KIAA1217: variants seen among roughly 807,000 people sequenced by gnomAD.
The protein encoded by KIAA1217 is KIAA1217.
A neutral mutation model predicts 163.9 loss-of-function variants in KIAA1217; 88 were observed. The observed-to-expected ratio is 0.54, with a 90% CI of 0.45 to 0.64. KIAA1217 has a LOEUF of 0.64. Among genes scored for constraint, KIAA1217 ranks in the 30% least tolerant of loss-of-function variants. KIAA1217 has a pLI of 0.00. For synonymous variants in KIAA1217, 903 were observed against 923.1 expected (o/e 0.98, Z 0.39); for missense variants, 2,372 against 2,475.0 (o/e 0.96, Z 0.88).
At chr10:23,872,073 T>C (rs185305692) in intron 1 of KIAA1217, among the ~76,000 whole-genome samples, 1 of 152,176 alleles carries the variant, frequency 6.6e-6, no homozygotes, top group Admixed American at 6.5e-5. Flanking sequence ...TTTGTCCATT[T>C]GGGGAAAAAA....
intron 2 of KIAA1217, among the ~76,000 whole-genome samples, chr10:24,246,160 A>G (rs188379717): frequency 1.2e-4 from 18 of 152,318 alleles, no homozygotes; most frequent in South Asian, 2.1e-4. Context: ...AGAGCCTCAC[A>G]AAGGCCAATT....
chr10:23,743,764 G>C (rs1032479208), intron 1 of KIAA1217, among the ~76,000 whole-genome samples: 4 of 152,110 alleles, frequency 2.6e-5, no homozygotes, highest in Non-Finnish European at 4.4e-5. Flanking sequence ...GGCTATAGAA[G>C]GCAGGATAAA....
rs543008954 is a variant in KIAA1217 at position 24,539,189 on chromosome 10, T to C, written c.3534+2296T>C. Reference sequence around the variant, plus strand: ...ATTTGGACTTTCTCAAAGATCCCTCTGGAGACCATTATTGTCTCATTGTAG... The same window carrying C: ...ATTTGGACTTTCTCAAAGATCCCTCCGGAGACCATTATTGTCTCATTGTAG... On this transcript the variant is annotated intron_variant, in intron 17 of 20. Transcript: ENST00000376454. Among the ~76,000 whole-genome samples the C allele has an allele frequency of 5.9e-5, 9 of 152,292 alleles. 1 individual carries two copies. The South Asian group carries it at 1.9e-3, about 32-fold the overall frequency.
chr10:23,974,580 A>G (rs527493499), intron 1 of KIAA1217, among the ~76,000 whole-genome samples: 1 of 152,254 alleles, frequency 6.6e-6, no homozygotes, highest in African/African-American at 2.4e-5. Flanking sequence ...GAGGATCACA[A>G]TATAGTGATT....
intron 17 of KIAA1217, 81 bp downstream of exon 17, chr10:24,536,974 G>A (rs548268630): frequency 1.4e-4 from 206 of 1,525,436 alleles, no homozygotes; most frequent in Non-Finnish European, 1.7e-4. Flanking sequence ...TCTTATACTC[G>A]ACCTTTGTCC....
intron 3 of KIAA1217, among the ~76,000 whole-genome samples, chr10:24,430,702 C>T (rs2059536217): frequency 6.6e-6 from 1 of 152,184 alleles, no homozygotes; most frequent in African/African-American, 2.4e-5. Flanking sequence ...CTAGATCCCT[C>T]ACCATGCGCA....
chr10:23,769,393 T>C (rs538144464), intron 1 of KIAA1217, among the ~76,000 whole-genome samples: 1 of 152,056 alleles, frequency 6.6e-6, no homozygotes, highest in Non-Finnish European at 1.5e-5. Flanking sequence ...CCAGGAGCAA[T>C]TGAGGGGAGG....
rs889863304 is a variant in KIAA1217 at position 24,466,805 on chromosome 10, T to A, written c.847-6423T>A. 2.1e-5 allele frequency: 21 copies of A among 984,972 alleles called. 1 individual carries two copies. The highest frequency in any genetic ancestry group is 1.8e-4 in the Admixed American group (3 of 16,282). 61.0% of individuals were successfully genotyped at this position (984,972 alleles called of 1,614,324 possible). On this transcript the variant is annotated intron_variant, in intron 5 of 20. Transcript: ENST00000376454. ...CTTAAGAAAAAGTAAGTGGCTTTAA[T>A]TCTTTGAGGGTGAAAGAGTGTCTTA...
chr10:24,068,617 C>T (rs2061063304), intron 2 of KIAA1217, among the ~76,000 whole-genome samples: 1 of 152,194 alleles, frequency 6.6e-6, no homozygotes, highest in East Asian at 1.9e-4. Flanking sequence ...AAGATCCTAG[C>T]ATGACATCAA....
At chr10:24,304,529 A>G (rs1439415507) in intron 2 of KIAA1217, among the ~76,000 whole-genome samples, 1 of 151,764 alleles carries the variant, frequency 6.6e-6, no homozygotes, top group Non-Finnish European at 1.5e-5. Flanking sequence ...TTTTATAGGG[A>G]CGGGGTCTCG....
intron 5 of KIAA1217, among the ~76,000 whole-genome samples, chr10:24,471,825 G>A (rs889252317): frequency 2.0e-5 from 3 of 149,148 alleles, no homozygotes; most frequent in Non-Finnish European, 3.0e-5. Context: ...GGAGATTGCA[G>A]TGACTGAGCT....
intron 1 of KIAA1217, among the ~76,000 whole-genome samples, chr10:23,858,145 C>T (rs992393344): frequency 6.6e-6 from 1 of 151,960 alleles, no homozygotes; most frequent in Admixed American, 6.6e-5. Context: ...GAGCCAAGGC[C>T]GGATCTTCTT....
chr10:23,711,398 A>G (rs570119775), intron 1 of KIAA1217, among the ~76,000 whole-genome samples: 1 of 152,280 alleles, frequency 6.6e-6, no homozygotes, highest in East Asian at 1.9e-4. Flanking sequence ...AGATGTGATG[A>G]TGTAAGCAGA....
rs764053113 is a variant in KIAA1217 at position 24,544,035 on chromosome 10, A to G, written c.4765A>G (p.Ile1589Val). Residue 1589 changes from isoleucine to valine, a missense_variant, in exon 19 of 21, where the codon ATT (isoleucine) becomes GTT (valine). Coordinates refer to ENST00000376454, the MANE Select transcript of KIAA1217 (RefSeq NM_019590.5). The stretch of plus-strand genomic sequence containing the variant: ...GCAACTCGCCGCTCTCACTCAAGCC[A>G]TTCGCACCGGAACTAAAACAGGGAA... ...KKQLAALTQA[I>V]RTGTKTGKKT... The G allele has an allele frequency of 3.1e-6, 5 of 1,614,084 alleles. No individual in the cohort carries two copies. Among genetic ancestry groups the G allele is most frequent in the Non-Finnish European group, 4.2e-6 (5 of 1,180,050 alleles).
At chr10:23,721,657 A>C (rs1245235200) in intron 1 of KIAA1217, among the ~76,000 whole-genome samples, 1 of 152,134 alleles carries the variant, frequency 6.6e-6, no homozygotes, top group Non-Finnish European at 1.5e-5. Flanking sequence ...AAGATAAATA[A>C]ATTGTTAAAA....
chr10:24,223,361 A>G (rs997414506), intron 2 of KIAA1217, among the ~76,000 whole-genome samples: 3 of 152,066 alleles, frequency 2.0e-5, no homozygotes, highest in Non-Finnish European at 4.4e-5. Context: ...ACATCATCTC[A>G]TCTTCTGTCT....
At chr10:24,327,308 C>T (rs2045048258) in intron 2 of KIAA1217, among the ~76,000 whole-genome samples, 1 of 152,140 alleles carries the variant, frequency 6.6e-6, no homozygotes, top group African/African-American at 2.4e-5. Context: ...ATTATGTTAT[C>T]TAAGTGAAAT....
intron 2 of KIAA1217, among the ~76,000 whole-genome samples, chr10:24,017,833 G>C (rs975314402): frequency 6.6e-6 from 1 of 152,016 alleles, no homozygotes; most frequent in Non-Finnish European, 1.5e-5. Context: ...AAAGCTTAAA[G>C]ACATAGCAAT....
chr10:23,814,159 A>G (rs183700347), intron 1 of KIAA1217, among the ~76,000 whole-genome samples: 2 of 152,262 alleles, frequency 1.3e-5, no homozygotes, highest in East Asian at 1.9e-4. Flanking sequence ...CTGGTGTTTT[A>G]TTTTGCAGGG....
Sources: allele counts gnomAD v4.1 joint callset (sites outside exome capture counted in the v4.1 genomes callset), GRCh38; gene constraint gnomAD v4.1.1; transcripts MANE v1.5; gene names NCBI Gene and HGNC (gene_info 2026-07-23, HGNC 2026-07-21).